Variants in QTMAN observed in about 807,000 individuals in gnomAD.
QTMAN encodes tRNA-queuosine alpha-mannosyltransferase.
At chr2:144,069,495 T>A in the QTMAN span, among the ~76,000 whole-genome samples, 61,668 of 151,632 alleles carry the variant, frequency 0.41, 13,395 homozygotes, top group East Asian at 0.57. Context: ...GGGAAAAAAA[T>A]AATCTCAAAG....
the QTMAN span, among the ~76,000 whole-genome samples, chr2:144,195,333 C>A: frequency 6.6e-6 from 1 of 152,186 alleles, no homozygotes; most frequent in East Asian, 1.9e-4. Flanking sequence ...CTGGTACTCA[C>A]CACAACTCCT....
the QTMAN span, among the ~76,000 whole-genome samples, chr2:144,090,736 A>T: frequency 2.6e-5 from 4 of 152,080 alleles, no homozygotes; most frequent in African/African-American, 9.7e-5. Context: ...TTCATGGATC[A>T]GAAGATTCAA....
At chr2:143,952,861 A>G in the QTMAN span, 1 of 1,489,950 alleles carries the variant, frequency 6.7e-7, no homozygotes, top group Non-Finnish European at 9.4e-7. Context: ...AATTTTAGAA[A>G]GAGGGTAAGA....
chr2:144,063,275 C>T, the QTMAN span, among the ~76,000 whole-genome samples: 1 of 152,094 alleles, frequency 6.6e-6, no homozygotes, highest in Non-Finnish European at 1.5e-5. Context: ...AATTACAGCT[C>T]CCTCCACTTA....
At chr2:144,187,519 A>T in the QTMAN span, among the ~76,000 whole-genome samples, 10 of 152,234 alleles carry the variant, frequency 6.6e-5, no homozygotes, top group African/African-American at 2.4e-4. Flanking sequence ...CACATTGGGG[A>T]TCTAATTTCA....
At chr2:144,141,816 T>A in the QTMAN span, 1 of 1,240,732 alleles carries the variant, frequency 8.1e-7, no homozygotes, top group South Asian at 1.4e-5. Context: ...ATGAAGAACA[T>A]CAATTTTTAT....
the QTMAN span, among the ~76,000 whole-genome samples, chr2:143,947,883 A>G: frequency 1.3e-5 from 2 of 152,016 alleles, no homozygotes; most frequent in African/African-American, 4.8e-5. Flanking sequence ...GAAGGAAGGA[A>G]GAGAGGGAAG....
chr2:144,133,172 A>T, the QTMAN span, among the ~76,000 whole-genome samples: 1 of 48,988 alleles, frequency 2.0e-5, no homozygotes, highest in African/African-American at 9.3e-5. Flanking sequence ...ATATATATAT[A>T]AATATATATA....
the QTMAN span, among the ~76,000 whole-genome samples, chr2:144,133,922 T>C: frequency 6.6e-6 from 1 of 152,066 alleles, no homozygotes; most frequent in Non-Finnish European, 1.5e-5. Flanking sequence ...ACAGTGCCCA[T>C]TTCATTATTT....
the QTMAN span, among the ~76,000 whole-genome samples, chr2:144,287,908 G>C: frequency 1.1e-4 from 16 of 152,042 alleles, no homozygotes; most frequent in Non-Finnish European, 1.8e-4. Flanking sequence ...AGGCTGGAGT[G>C]CAGTGGTGCG....
chr2:144,169,747 C>CTTATA, the QTMAN span, among the ~76,000 whole-genome samples: 1 of 151,874 alleles, frequency 6.6e-6, no homozygotes, highest in Non-Finnish European at 1.5e-5. Context: ...TAAATGTATC[C>CTTATA]TTATATTACT....
the QTMAN span, among the ~76,000 whole-genome samples, chr2:144,319,515 T>C: frequency 6.6e-6 from 1 of 152,050 alleles, no homozygotes; most frequent in Non-Finnish European, 1.5e-5. Flanking sequence ...AAGCTCAAAT[T>C]TACTTCAACC....
the QTMAN span, among the ~76,000 whole-genome samples, chr2:144,173,871 G>A: frequency 6.6e-6 from 1 of 152,110 alleles, no homozygotes; most frequent in Non-Finnish European, 1.5e-5. Flanking sequence ...GCTGTTGAAA[G>A]AGCCTGTCAC....
chr2:144,260,313 CT>C, the QTMAN span, among the ~76,000 whole-genome samples: 1 of 151,970 alleles, frequency 6.6e-6, no homozygotes, highest in Admixed American at 6.6e-5. Flanking sequence ...AGTTCTCCCT[CT>C]ATAAATATAT....
At chr2:144,043,773 G>A in the QTMAN span, among the ~76,000 whole-genome samples, 2 of 152,300 alleles carry the variant, frequency 1.3e-5, no homozygotes, top group Middle Eastern at 3.4e-3. Flanking sequence ...TCATTTGAGA[G>A]AGGTTGCTTA....
chr2:144,082,008 C>T, the QTMAN span, among the ~76,000 whole-genome samples: 2 of 152,104 alleles, frequency 1.3e-5, no homozygotes, highest in African/African-American at 4.8e-5. Context: ...CCACCTCAGC[C>T]TCCCGAGTAC....
At chr2:144,063,992 T>C in the QTMAN span, among the ~76,000 whole-genome samples, 2 of 152,360 alleles carry the variant, frequency 1.3e-5, no homozygotes, top group Admixed American at 1.3e-4. Flanking sequence ...TAATGCTTTG[T>C]TGACCTTATT....
the QTMAN span, among the ~76,000 whole-genome samples, chr2:144,195,783 T>G: frequency 6.6e-6 from 1 of 152,128 alleles, no homozygotes; most frequent in East Asian, 1.9e-4. Flanking sequence ...TGCTTCTCTT[T>G]CAAAAAAGAC....
At chr2:143,971,321 T>A in the QTMAN span, among the ~76,000 whole-genome samples, 1 of 152,094 alleles carries the variant, frequency 6.6e-6, no homozygotes, top group African/African-American at 2.4e-5. Flanking sequence ...AGTAATTGAA[T>A]GGAGAATTAT....
Sources: allele counts gnomAD v4.1 joint callset (sites outside exome capture counted in the v4.1 genomes callset), GRCh38; gene constraint gnomAD v4.1.1; transcripts MANE v1.5; gene names NCBI Gene and HGNC (gene_info 2026-07-23, HGNC 2026-07-21).